WDR36: variants seen among roughly 807,000 people sequenced by gnomAD.
WDR36 encodes the protein WD repeat-containing protein 36.
A neutral mutation model predicts 112.7 loss-of-function variants in WDR36; 63 were observed. The observed-to-expected ratio is 0.56, with a 90% CI of 0.46 to 0.69. WDR36 has a LOEUF of 0.69. Ranked by LOEUF, WDR36 falls within the 30% of genes least tolerant of loss-of-function variation. The pLI is 0.00. For synonymous variants in WDR36, 410 were observed against 362.2 expected, an observed-to-expected ratio of 1.13 and a Z score of -1.50; for missense variants, 1,226 against 1,070.3, an observed-to-expected ratio of 1.15 and a Z score of -2.03.
intron 16 of WDR36, among the ~76,000 whole-genome samples, chr5:111,113,539 C>T (rs924361047): frequency 6.6e-6 from 1 of 152,082 alleles, no homozygotes; most frequent in African/African-American, 2.4e-5. Flanking sequence ...AACCCCCTAA[C>T]TTTTCCTTTT....
At chr5:111,108,303 C>G (rs1753259593) in intron 12 of WDR36, among the ~76,000 whole-genome samples, 1 of 150,776 alleles carries the variant, frequency 6.6e-6, no homozygotes, top group African/African-American at 2.4e-5. Context: ...GAGAGTGTAT[C>G]AAAATGCAGT....
chr5:111,108,763 G>A (rs1753268432), intron 12 of WDR36, among the ~76,000 whole-genome samples: 1 of 151,348 alleles, frequency 6.6e-6, no homozygotes, highest in South Asian at 2.1e-4. Flanking sequence ...ACATGCCTAA[G>A]ATCAATGAAG....
At chr5:111,092,886 A>T (rs1291710166) in intron 1 of WDR36, among the ~76,000 whole-genome samples, 3 of 152,266 alleles carry the variant, frequency 2.0e-5, no homozygotes, top group African/African-American at 7.2e-5. Context: ...TTGTTCAGTG[A>T]ATATTTATTG....
At chr5:111,102,490 C>T (rs1399394776) in intron 6 of WDR36, 91 bp downstream of exon 6, 33 of 1,268,484 alleles carry the variant, frequency 2.6e-5, no homozygotes, top group East Asian at 1.9e-4. Flanking sequence ...GACGTAAAGA[C>T]GAAACAATAT....
intron 1 of WDR36, 88 bp from the exon 2 acceptor site, chr5:111,094,831 CG>C: frequency 9.6e-7 from 1 of 1,042,178 alleles, no homozygotes; most frequent in Non-Finnish European, 1.5e-6. Context: ...AGCAAATATA[CG>C]TATGAGGTTA....
intron 17 of WDR36, 31 bp downstream of exon 17, chr5:111,119,151 A>G (rs1580402729): frequency 6.5e-7 from 1 of 1,538,946 alleles, no homozygotes; most frequent in Non-Finnish European, 9.0e-7. Flanking sequence ...CTGTTTTGGG[A>G]TGAAGAAGAT....
intron 1 of WDR36, among the ~76,000 whole-genome samples, chr5:111,093,605 A>G (rs1235124546): frequency 1.3e-5 from 2 of 152,176 alleles, no homozygotes; most frequent in African/African-American, 4.8e-5. Context: ...TAGTGTTACC[A>G]TTCTCTGCAC....
intron 4 of WDR36, among the ~76,000 whole-genome samples, chr5:111,099,341 G>A (rs1753063803): frequency 6.7e-6 from 1 of 149,986 alleles, no homozygotes; most frequent in Non-Finnish European, 1.5e-5. Context: ...TTTATCCCTA[G>A]GATATCTACA....
At chr5:111,100,026 G>A (rs1485022102) in intron 4 of WDR36, among the ~76,000 whole-genome samples, 1 of 151,742 alleles carries the variant, frequency 6.6e-6, no homozygotes, top group Non-Finnish European at 1.5e-5. Context: ...AGTGACCACT[G>A]GTGATGCCAC....
At chr5:111,126,378 G>A (rs1753679275) in intron 22 of WDR36, among the ~76,000 whole-genome samples, 1 of 152,068 alleles carries the variant, frequency 6.6e-6, no homozygotes, top group African/African-American at 2.4e-5. Flanking sequence ...GTGGTATAAT[G>A]TGTTGAAGGA....
At chr5:111,100,022 C>T (rs1249100939) in intron 4 of WDR36, among the ~76,000 whole-genome samples, 1 of 151,758 alleles carries the variant, frequency 6.6e-6, no homozygotes, top group Non-Finnish European at 1.5e-5. Context: ...AGCAAGTGAC[C>T]ACTGGTGATG....
chr5:111,113,765 A>G (rs1434322495), intron 16 of WDR36, among the ~76,000 whole-genome samples: 1 of 152,072 alleles, frequency 6.6e-6, no homozygotes, highest in Non-Finnish European at 1.5e-5. Flanking sequence ...AAGAGTCCCA[A>G]GGTGGTATGG....
At chr5:111,119,776 A>G (rs932465305) in intron 17 of WDR36, among the ~76,000 whole-genome samples, 12 of 152,170 alleles carry the variant, frequency 7.9e-5, no homozygotes, top group African/African-American at 2.9e-4. Flanking sequence ...GAATTTTAAT[A>G]TATAATAGAA....
Position 111,128,703 on chromosome 5 carries a change from A to G in WDR36, c.*1820A>G, listed in dbSNP as rs753658956. ...GAGATATATTTAGATAGAATACATC[A>G]TTTTGGCAGGTAATCTTCTAGAACC... On this transcript the variant is annotated 3_prime_UTR_variant, in exon 23 of 23. Transcript: ENST00000513710. 5.5e-6 allele frequency: 1 copy of G among 182,754 alleles called. No individual in the cohort carries two copies. Among genetic ancestry groups the G allele is most frequent in the Non-Finnish European group, 1.2e-5 (1 of 85,820 alleles). The allele number at this position is 182,754 out of a possible 1,614,324, so 11.3% of individuals were successfully genotyped here. A position where few individuals can be genotyped will look rare whatever the true frequency, so the allele number is the denominator to read the frequency against.
intron 21 of WDR36, 25 bp from the exon 22 acceptor site, chr5:111,125,583 A>G: frequency 6.2e-7 from 1 of 1,604,776 alleles, no homozygotes; most frequent in South Asian, 1.1e-5. Context: ...TAATCAAGTC[A>G]TAACTGGATT....
chr5:111,126,729 T>G lies in WDR36; in HGVS notation c.2539-5T>G, dbSNP rs2112594545. 1 of 1,613,384 alleles carries G rather than the reference T, an allele frequency of 6.2e-7. No individual in the cohort carries two copies. The highest frequency in any genetic ancestry group is 1.3e-5 in the African/African-American group (1 of 75,026). Reference sequence around the variant, plus strand: ...AATGTTCAATCATCATATTTTTCTTTGCAGTTACACCTTAAAATGCTTCCT... The same window carrying G: ...AATGTTCAATCATCATATTTTTCTTGGCAGTTACACCTTAAAATGCTTCCT... On this transcript the variant is annotated splice_region_variant and splice_polypyrimidine_tract_variant and intron_variant, in intron 22 of 22. Coordinates refer to ENST00000513710, the MANE Select transcript of WDR36 (RefSeq NM_139281.3).
At position 111,129,591 on chromosome 5, in the gene WDR36, A is replaced by C. The variant is rs1296901067; in HGVS notation, c.*2708A>C. The C allele has an allele frequency of 9.8e-6, 2 of 204,244 alleles. No homozygotes were observed. The highest frequency in any genetic ancestry group is 1.6e-3 in the Middle Eastern group (1 of 628). The allele number at this position is 204,244 out of a possible 1,614,324, so 12.7% of individuals were successfully genotyped here. On this transcript the variant is annotated 3_prime_UTR_variant, in exon 23 of 23. Coordinates refer to ENST00000513710, the MANE Select transcript of WDR36 (RefSeq NM_139281.3). ...CCTTTTATCTCATGGATTTGTTAGG[A>C]GTTCTCTTGTATTTTCTGTATTTTA...
chr5:111,125,649 G>A lies in WDR36; in HGVS notation c.2392G>A (p.Gly798Arg). ...LNLLKESGPS[G>R]IETELRSLSP... Reference sequence around the variant, plus strand: ...CCTTCTGAAAGAATCAGGCCCATCAGGAATTGAAACAGAGCTGCGAAGCTT... The same window carrying A: ...CCTTCTGAAAGAATCAGGCCCATCAAGAATTGAAACAGAGCTGCGAAGCTT... The change falls in exon 22 of 23, where the codon GGA becomes AGA. Residue 798 changes from glycine to arginine, a missense_variant. By Grantham distance (125) the Gly-to-Arg change is moderately radical. Transcript: ENST00000513710. The A allele has an allele frequency of 6.2e-7, 1 of 1,613,830 alleles. No individual in the cohort carries two copies. Among genetic ancestry groups the A allele is most frequent in the South Asian group, 1.1e-5 (1 of 91,070 alleles).
At chr5:111,123,287 T>A (rs1334928225) in intron 19 of WDR36, among the ~76,000 whole-genome samples, 1 of 152,122 alleles carries the variant, frequency 6.6e-6, no homozygotes, top group East Asian at 1.9e-4. Flanking sequence ...AAAGAAAAAA[T>A]TCCAGCAAAA....
Sources: allele counts gnomAD v4.1 joint callset (sites outside exome capture counted in the v4.1 genomes callset), GRCh38; gene constraint gnomAD v4.1.1; transcripts MANE v1.5; gene names NCBI Gene and HGNC (gene_info 2026-07-23, HGNC 2026-07-21).